NCKAP5: variants seen among roughly 807,000 people sequenced by gnomAD.
NCKAP5 encodes NCK associated protein 5.
A neutral mutation model predicts 167.0 loss-of-function variants in NCKAP5; 92 were observed. The ratio of observed to expected loss-of-function variants is 0.55; its 90% CI spans 0.47 to 0.66. The LOEUF (loss-of-function observed/expected upper bound fraction) is 0.66. Ranked by LOEUF, NCKAP5 falls within the 30% of genes least tolerant of loss-of-function variation. NCKAP5 has a pLI of 0.00. For synonymous variants in NCKAP5, 891 were observed against 877.4 expected (o/e 1.02, Z -0.27); for missense variants, 2,378 against 2,315.0 (o/e 1.03, Z -0.56).
the NCKAP5 span, among the ~76,000 whole-genome samples, chr2:133,623,852 C>A: frequency 6.6e-6 from 1 of 152,238 alleles, no homozygotes; most frequent in Middle Eastern, 3.4e-3. Context: ...CACATGTTCA[C>A]TGCAGCACAA....
intron 15 of NCKAP5, among the ~76,000 whole-genome samples, chr2:132,779,145 T>G (rs1682801626): frequency 6.6e-6 from 1 of 152,130 alleles, no homozygotes; most frequent in African/African-American, 2.4e-5. Context: ...ATAATTAGAG[T>G]GTTTCTTGCA....
chr2:132,998,238 T>C (rs1311134525), intron 6 of NCKAP5, among the ~76,000 whole-genome samples: 1 of 152,232 alleles, frequency 6.6e-6, no homozygotes, highest in African/African-American at 2.4e-5. Flanking sequence ...TCTGTAAAAT[T>C]ACAAGCTATA....
the NCKAP5 span, among the ~76,000 whole-genome samples, chr2:133,654,927 G>C: frequency 6.6e-6 from 1 of 152,192 alleles, no homozygotes; most frequent in Non-Finnish European, 1.5e-5. Flanking sequence ...GAAGCTGGAG[G>C]CTTGGCAATT....
chr2:133,555,596 T>C (rs2104985703), intron 2 of NCKAP5, among the ~76,000 whole-genome samples: 1 of 152,340 alleles, frequency 6.6e-6, no homozygotes, highest in Non-Finnish European at 1.5e-5. Context: ...CACAGTAACT[T>C]CTCTTTAACT....
chr2:132,906,927 T>G (rs916868703), intron 8 of NCKAP5, among the ~76,000 whole-genome samples: 4 of 152,208 alleles, frequency 2.6e-5, no homozygotes, highest in African/African-American at 9.7e-5. Flanking sequence ...TACAATAGAA[T>G]TTTCTTTCTT....
chr2:133,160,027 C>CT (rs1178688691), intron 5 of NCKAP5, among the ~76,000 whole-genome samples: 1 of 152,194 alleles, frequency 6.6e-6, no homozygotes, highest in East Asian at 1.9e-4. Context: ...TACCTCCACT[C>CT]TGATAGCTTT....
At chr2:133,503,235 C>T (rs999641975) in intron 3 of NCKAP5, among the ~76,000 whole-genome samples, 1 of 152,320 alleles carries the variant, frequency 6.6e-6, no homozygotes, top group East Asian at 1.9e-4. Flanking sequence ...CCTTGGAATG[C>T]TCCTTTCTGC....
At chr2:133,163,874 G>A (rs549948627) in intron 5 of NCKAP5, among the ~76,000 whole-genome samples, 6 of 152,262 alleles carry the variant, frequency 3.9e-5, no homozygotes, top group African/African-American at 1.4e-4. Flanking sequence ...AGCCAGTCCC[G>A]TAACTAGGTA....
chr2:133,622,572 CA>C, the NCKAP5 span, among the ~76,000 whole-genome samples: 3 of 150,892 alleles, frequency 2.0e-5, no homozygotes, highest in East Asian at 1.9e-4. Flanking sequence ...AAAAGAAAAA[CA>C]AAAAAAACAA....
chr2:133,444,353 A>AAGATAGATAGATAGATAGAT (rs3085736), intron 3 of NCKAP5, among the ~76,000 whole-genome samples: 1 of 147,694 alleles, frequency 6.8e-6, no homozygotes, highest in African/African-American at 2.5e-5. Context: ...GACAAAAACA[A>AAGATAGATAGATAGATAGAT]AGATAGATAG....
At chr2:132,729,024 G>T (rs553914501) in intron 17 of NCKAP5, 72 bp from the exon 18 acceptor site, 2 of 1,574,304 alleles carry the variant, frequency 1.3e-6, no homozygotes, top group Non-Finnish European at 1.7e-6. Context: ...GGAAGGAGGT[G>T]GGGGAGACAT....
At chr2:132,824,334 T>C (rs1443773862) in intron 11 of NCKAP5, among the ~76,000 whole-genome samples, 2 of 152,194 alleles carry the variant, frequency 1.3e-5, no homozygotes, top group Non-Finnish European at 2.9e-5. Flanking sequence ...CCAAGATGAC[T>C]GCTGCACATC....
chr2:133,141,224 A>G lies in NCKAP5; in HGVS notation c.208-11113T>C, dbSNP rs531597075. Among the ~76,000 whole-genome samples the G allele has an allele frequency of 2.6e-5, 4 of 152,278 alleles. No individual in the cohort carries two copies. The East Asian group carries it at 7.7e-4, about 29-fold the overall frequency. The stretch of plus-strand genomic sequence containing the variant: ...CCAACAGCCCAGGGATTGCAATCCC[A>G]ACTTCATATTCACATCTCTTAACTG... On this transcript the variant is annotated intron_variant, in intron 5 of 19. Coordinates refer to ENST00000409261, the MANE Select transcript of NCKAP5 (RefSeq NM_207363.3).
chr2:133,547,171 G>A (rs977669162), intron 2 of NCKAP5, among the ~76,000 whole-genome samples: 2 of 152,292 alleles, frequency 1.3e-5, no homozygotes, highest in Non-Finnish European at 2.9e-5. Context: ...TATTCGGACC[G>A]GCTTAAAAAA....
rs79718627 is a variant in NCKAP5, at chr2:133,156,116, C to A, written c.208-26005G>T. ...TGCAAACAGTCCTTGTAGAGTAAAC[C>A]CTTGTTGAATTATCCTATTTCAGAT... On this transcript the variant is annotated intron_variant, in intron 5 of 19. Coordinates refer to ENST00000409261, the MANE Select transcript of NCKAP5 (RefSeq NM_207363.3). Among the ~76,000 whole-genome samples, 147 of 152,276 alleles carry A rather than the reference C, an allele frequency of 9.7e-4. 2 individuals carry two copies. The East Asian group carries it at 0.024, about 25-fold the overall frequency.
chr2:132,925,319 C>T (rs1349687307), intron 8 of NCKAP5, among the ~76,000 whole-genome samples: 4 of 151,792 alleles, frequency 2.6e-5, no homozygotes, highest in African/African-American at 9.7e-5. Flanking sequence ...TTTTGGGAGG[C>T]CGAGGCGGGC....
intron 3 of NCKAP5, among the ~76,000 whole-genome samples, chr2:133,450,137 G>A (rs189518196): frequency 3.5e-5 from 5 of 143,654 alleles, no homozygotes; most frequent in Middle Eastern, 3.5e-3. Flanking sequence ...ACACACACGC[G>A]CGTGCGTGCG....
At chr2:133,597,975 T>C in the NCKAP5 span, among the ~76,000 whole-genome samples, 1 of 152,150 alleles carries the variant, frequency 6.6e-6, no homozygotes, top group African/African-American at 2.4e-5. Flanking sequence ...GGCATGGGTA[T>C]GAATACCCAC....
intron 11 of NCKAP5, among the ~76,000 whole-genome samples, chr2:132,797,154 G>C (rs1268823050): frequency 6.6e-6 from 1 of 152,176 alleles, no homozygotes; most frequent in African/African-American, 2.4e-5. Flanking sequence ...AATTATAAAA[G>C]TGACCTTATT....
Sources: allele counts gnomAD v4.1 joint callset (sites outside exome capture counted in the v4.1 genomes callset), GRCh38; gene constraint gnomAD v4.1.1; transcripts MANE v1.5; gene names NCBI Gene and HGNC (gene_info 2026-07-23, HGNC 2026-07-21).